AGFG1: variants seen among roughly 807,000 people sequenced by gnomAD.
The protein encoded by AGFG1 is arf-GAP domain and FG repeat-containing protein 1.
In AGFG1, 10 loss-of-function variants were observed where a neutral mutation model predicts 60.6. The ratio of observed to expected loss-of-function variants is 0.16; its 90% CI spans 0.10 to 0.28. The LOEUF (loss-of-function observed/expected upper bound fraction) is 0.28. Ranked by LOEUF, AGFG1 falls within the 10% of genes least tolerant of loss-of-function variation. AGFG1 has a pLI of 1.00. For missense variants in AGFG1, 537 were observed against 676.5 expected, an observed-to-expected ratio of 0.79 and a Z score of 2.29; for synonymous variants, 247 against 242.9, an observed-to-expected ratio of 1.02 and a Z score of -0.16.
chr2:227,517,806 C>CT (rs781746838), intron 2 of AGFG1, among the ~76,000 whole-genome samples: 15 of 152,178 alleles, frequency 9.9e-5, no homozygotes, highest in Non-Finnish European at 2.2e-4. Flanking sequence ...ATTTTGGAAA[C>CT]TCGTGGACTT....
At chr2:227,500,902 C>T (rs1347462073) in intron 2 of AGFG1, among the ~76,000 whole-genome samples, 1 of 152,014 alleles carries the variant, frequency 6.6e-6, no homozygotes, top group South Asian at 2.1e-4. Context: ...AAGTGATTCT[C>T]CTGCCTTAGC....
chr2:227,473,455 C>T (rs1690182681), intron 1 of AGFG1, among the ~76,000 whole-genome samples: 2 of 152,132 alleles, frequency 1.3e-5, no homozygotes, highest in African/African-American at 2.4e-5. Context: ...TGGCTGTACA[C>T]AGAAATGAGG....
intron 3 of AGFG1, among the ~76,000 whole-genome samples, chr2:227,523,519 A>G (rs1211630035): frequency 6.6e-6 from 1 of 152,146 alleles, no homozygotes; most frequent in Non-Finnish European, 1.5e-5. Flanking sequence ...AACCATAAAT[A>G]AGTAATTGAA....
chr2:227,535,076 A>T (rs1692267466), intron 8 of AGFG1, 51 bp downstream of exon 8: 1 of 1,382,222 alleles, frequency 7.2e-7, no homozygotes, highest in Non-Finnish European at 9.5e-7. Context: ...TTTTTTTTCC[A>T]ACTTTGAATA....
At chr2:227,539,279 C>T in intron 10 of AGFG1, among the ~76,000 whole-genome samples, 1 of 151,956 alleles carries the variant, frequency 6.6e-6, no homozygotes, top group East Asian at 1.9e-4. Context: ...CCTGTCTCTA[C>T]TAAAAATGCA....
intron 1 of AGFG1, among the ~76,000 whole-genome samples, chr2:227,478,239 T>TAA (rs11383048): frequency 0.039 from 5,549 of 143,862 alleles, 136 homozygotes; most frequent in African/African-American, 0.057. Context: ...AAGCAATCAG[T>TAA]AAAAAAAAAA....
intron 2 of AGFG1, among the ~76,000 whole-genome samples, chr2:227,511,377 T>G (rs907778028): frequency 1.3e-5 from 2 of 152,316 alleles, no homozygotes; most frequent in South Asian, 2.1e-4. Context: ...GTAAATATTT[T>G]AGGCTTTATG....
Position 227,537,673 on chromosome 2 carries a change from T to C in AGFG1, c.1378+680T>C, listed in dbSNP as rs187502952. 2.0e-3 allele frequency among the ~76,000 whole-genome samples: 312 copies of C among 152,334 alleles called. 2 individuals are homozygous for C. Among genetic ancestry groups the C allele is most frequent in the African/African-American group, 7.0e-3 (290 of 41,564 alleles). On this transcript the variant is annotated intron_variant, in intron 10 of 12. Coordinates refer to ENST00000310078, the MANE Select transcript of AGFG1 (RefSeq NM_004504.5). ...CGTATTACCTTAAACACCAGAGATA[T>C]TTGCCAGTATCTTGGAATGTCAGCA... is the stretch of plus-strand genomic sequence containing the variant.
chr2:227,486,318 G>A (rs941458595), intron 1 of AGFG1, among the ~76,000 whole-genome samples: 2 of 152,076 alleles, frequency 1.3e-5, no homozygotes, highest in Admixed American at 1.3e-4. Context: ...TATGTTAATA[G>A]TCGTAGGGTT....
chr2:227,539,746 C>CAAAAA (rs71039604), intron 10 of AGFG1, among the ~76,000 whole-genome samples: 3 of 65,526 alleles, frequency 4.6e-5, no homozygotes, highest in Admixed American at 1.9e-4. Flanking sequence ...CTCTAGCTCA[C>CAAAAA]AAAAAAAAAA....
chr2:227,510,079 A>G (rs567452209), intron 2 of AGFG1, among the ~76,000 whole-genome samples: 5 of 152,344 alleles, frequency 3.3e-5, no homozygotes, highest in South Asian at 4.1e-4. Flanking sequence ...CTATGACTTC[A>G]CTAATAATAA....
intron 6 of AGFG1, 21 bp downstream of exon 6, chr2:227,531,231 T>G (rs927723367): frequency 1.9e-6 from 3 of 1,599,492 alleles, no homozygotes. Context: ...TCCAGCATTG[T>G]GCTTAAATGT....
intron 2 of AGFG1, among the ~76,000 whole-genome samples, chr2:227,513,329 T>G (rs1019659051): frequency 3.9e-5 from 6 of 152,194 alleles, no homozygotes; most frequent in Non-Finnish European, 7.4e-5. Context: ...AAGCAGCTGG[T>G]CTGTCTGGAT....
chr2:227,552,257 T>C, intron 11 of AGFG1, 140 bp downstream of exon 11: 2 of 1,072,540 alleles, frequency 1.9e-6, no homozygotes, highest in Non-Finnish European at 2.5e-6. Context: ...AATAAAAGCC[T>C]TTGGTGATTT....
chr2:227,556,157 A>G lies in AGFG1; in HGVS notation c.*1662A>G, dbSNP rs1253861573. The stretch of plus-strand genomic sequence containing the variant: ...ACATATTTTAAAAGTTTTATCTTAA[A>G]TTGATTAAAACTTTTTAAAAAGCTT... On this transcript the variant is annotated 3_prime_UTR_variant, in exon 13 of 13. Coordinates refer to ENST00000310078, the MANE Select transcript of AGFG1 (RefSeq NM_004504.5). 2 of 152,260 alleles carry G rather than the reference A, an allele frequency of 1.3e-5. No individual in the cohort carries two copies. Among genetic ancestry groups the G allele is most frequent in the Non-Finnish European group, 2.9e-5 (2 of 68,034 alleles). The allele number at this position is 152,260 out of a possible 1,614,324, so 9.4% of individuals were successfully genotyped here. A position where few individuals can be genotyped will look rare whatever the true frequency, so the allele number is the denominator to read the frequency against.
chr2:227,483,394 C>G lies in AGFG1; in HGVS notation c.168-8153C>G, dbSNP rs919268537. On this transcript the variant is annotated intron_variant, in intron 1 of 12. Coordinates refer to ENST00000310078, the MANE Select transcript of AGFG1 (RefSeq NM_004504.5). ...ACATACGTTATAATTTTTTGGTATG[C>G]AGTTCTGTGAATCTTAACATATGTA... Among the ~76,000 whole-genome samples, 4 of 152,020 alleles carry G rather than the reference C, an allele frequency of 2.6e-5. 1 individual carries two copies. Among genetic ancestry groups the G allele is most frequent in the African/African-American group, 9.7e-5 (4 of 41,378 alleles).
chr2:227,481,533 C>T (rs1445708551), intron 1 of AGFG1, among the ~76,000 whole-genome samples: 2 of 152,176 alleles, frequency 1.3e-5, no homozygotes, highest in Admixed American at 6.5e-5. Flanking sequence ...CCCACCTTTG[C>T]AGAAGCTTCT....
chr2:227,526,539 C>CTT (rs777649930), intron 5 of AGFG1, among the ~76,000 whole-genome samples: 4,313 of 92,424 alleles, frequency 0.047, 246 homozygotes, highest in African/African-American at 0.073. Flanking sequence ...TGCCCAGCCT[C>CTT]TTTTTTTTTT....
At chr2:227,480,715 C>A (rs575763535) in intron 1 of AGFG1, among the ~76,000 whole-genome samples, 2 of 152,124 alleles carry the variant, frequency 1.3e-5, no homozygotes, top group African/African-American at 4.8e-5. Flanking sequence ...TCTGGAAATT[C>A]CCTTCACTTG....
Sources: allele counts gnomAD v4.1 joint callset (sites outside exome capture counted in the v4.1 genomes callset), GRCh38; gene constraint gnomAD v4.1.1; transcripts MANE v1.5; gene names NCBI Gene and HGNC (gene_info 2026-07-23, HGNC 2026-07-21).